COLGALT1: variants seen among roughly 807,000 people sequenced by gnomAD.
COLGALT1 encodes the protein procollagen galactosyltransferase 1.
COLGALT1 carries 43 observed loss-of-function variants against 60.8 expected under a neutral mutation model. That is an observed-to-expected ratio of 0.71 (90% CI 0.55 to 0.91). The LOEUF (loss-of-function observed/expected upper bound fraction) is 0.91, where lower values mean the gene tolerates loss of function less well. COLGALT1 is among the 40% of genes least tolerant of loss of function. The pLI, the probability that COLGALT1 is intolerant of heterozygous loss-of-function variation, is 0.00. For missense variants in COLGALT1, 845 were observed against 880.0 expected (o/e 0.96, Z 0.50); for synonymous variants, 369 against 374.2 (o/e 0.99, Z 0.16).
intron 1 of COLGALT1, 135 bp downstream of exon 1, chr19:17,556,108 C>T (rs2076209392): frequency 1.3e-5 from 14 of 1,043,542 alleles, no homozygotes; most frequent in Admixed American, 1.3e-4. Context: ...TGCTCGCTAC[C>T]CCCATCGGGA....
intron 3 of COLGALT1, 83 bp downstream of exon 3, chr19:17,560,548 C>T (rs2076243036): frequency 2.7e-6 from 3 of 1,097,680 alleles, no homozygotes; most frequent in Admixed American, 1.7e-5. Flanking sequence ...ATGCCAGGAC[C>T]ATCCTTAATG....
rs202137060 is a variant in COLGALT1 at position 17,580,804 on chromosome 19, G to T, written c.1500G>T (p.Val500=). The T allele has an allele frequency of 4.0e-5, 64 of 1,614,000 alleles. No homozygotes were observed. In the African/African-American group the frequency reaches 8.0e-4, roughly 20 times the overall value. Residue 500 remains valine, a synonymous_variant, in exon 11 of 12, where the codon GTG becomes GTT. Transcript: ENST00000252599. ...ADYSYWTLAY[V]ISLQGARKLL... is the part of the protein sequence containing the mutation. Reference sequence around the variant, plus strand: ...ATTCCTACTGGACCCTGGCCTACGTGATCTCCCTGCAAGGCGCCCGCAAAC... The same window carrying T: ...ATTCCTACTGGACCCTGGCCTACGTTATCTCCCTGCAAGGCGCCCGCAAAC...
intron 5 of COLGALT1, among the ~76,000 whole-genome samples, chr19:17,569,440 T>C (rs535506475): frequency 2.6e-4 from 38 of 145,524 alleles, no homozygotes; most frequent in African/African-American, 9.6e-4. Flanking sequence ...CCAATTTTCT[T>C]TTGTTTTTTT....
chr19:17,563,528 T>G (rs1176437948), intron 3 of COLGALT1, among the ~76,000 whole-genome samples: 1 of 152,184 alleles, frequency 6.6e-6, no homozygotes, highest in Non-Finnish European at 1.5e-5. Flanking sequence ...TTTTTGTATT[T>G]TTAGTAGAGA....
chr19:17,572,680 C>T, intron 6 of COLGALT1, 78 bp downstream of exon 6: 1 of 1,587,938 alleles, frequency 6.3e-7, no homozygotes, highest in Non-Finnish European at 8.6e-7. Flanking sequence ...GTCCCATGAG[C>T]ACTGACTGAG....
Position 17,582,952 on chromosome 19 carries a change from T to C in COLGALT1, c.*1508T>C, listed in dbSNP as rs901145386. On this transcript the variant is annotated 3_prime_UTR_variant, in exon 12 of 12. Transcript: ENST00000252599. ...TGATGAAGTTGCTCTGTTCAAGCCT[T>C]TGGTGGGATCATGTGTTTGGGGGCT... The C allele has an allele frequency of 2.0e-5, 3 of 152,422 alleles. No individual in the cohort carries two copies. The highest frequency in any genetic ancestry group is 7.2e-5 in the African/African-American group (3 of 41,436). 9.4% of individuals were successfully genotyped at this position (152,422 alleles called of 1,614,324 possible). A position where few individuals can be genotyped will look rare whatever the true frequency, so the allele number is the denominator to read the frequency against.
In COLGALT1 at chr19:17,580,695, C is replaced by T. The variant is rs771864478; in HGVS notation, c.1395-4C>T. 9.3e-6 allele frequency: 15 copies of T among 1,613,742 alleles called. No individual in the cohort carries two copies. The South Asian group carries it at 1.4e-4, about 15-fold the overall frequency. On this transcript the variant is annotated splice_polypyrimidine_tract_variant and splice_region_variant and intron_variant, in intron 10 of 11. Transcript: ENST00000252599. Reference sequence around the variant, plus strand: ...AGAGTGACAGGCCCGATCTTGCACCCCAGCTATGTGGGCCGGAAGCGGATG... The same window carrying T: ...AGAGTGACAGGCCCGATCTTGCACCTCAGCTATGTGGGCCGGAAGCGGATG...
intron 6 of COLGALT1, among the ~76,000 whole-genome samples, chr19:17,574,951 G>A (rs944514595): frequency 6.6e-6 from 1 of 152,170 alleles, no homozygotes; most frequent in South Asian, 2.1e-4. Context: ...CAACCTCCTT[G>A]ACTCAAGCGA....
At chr19:17,572,720 G>C in intron 6 of COLGALT1, 118 bp downstream of exon 6, 1 of 1,444,318 alleles carries the variant, frequency 6.9e-7, no homozygotes, top group Non-Finnish European at 9.3e-7. Context: ...CCTGTGGGGG[G>C]TGCTGGGTGC....
Position 17,577,415 on chromosome 19 carries a change from G to T in COLGALT1, c.1081G>T (p.Ala361Ser). The change falls in exon 8 of 12, where the codon GCG becomes TCG. Residue 361 changes from alanine (A) to serine (S), a missense_variant. Ala to Ser is a moderately conservative substitution (Grantham distance 99). Transcript: ENST00000252599. ...RQDRRERMLR[A>S]LQAQEIECRL... ...GGACCGGCGGGAGCGCATGCTGCGG[G>T]CGCTGCAGGCACAGGAGATCGAGTG... 2.6e-6 allele frequency: 4 copies of T among 1,561,712 alleles called. No individual in the cohort carries two copies. The highest frequency in any genetic ancestry group is 3.4e-6 in the Non-Finnish European group (4 of 1,159,920).
At chr19:17,572,269 C>T (rs2076317183) in intron 5 of COLGALT1, among the ~76,000 whole-genome samples, 2 of 151,444 alleles carry the variant, frequency 1.3e-5, no homozygotes, top group South Asian at 4.2e-4. Context: ...GGTAGTGCCA[C>T]TGCACTCCAG....
intron 3 of COLGALT1, among the ~76,000 whole-genome samples, chr19:17,564,254 C>CGTATAT (rs1363921587): frequency 6.6e-6 from 1 of 150,558 alleles, no homozygotes; most frequent in African/African-American, 2.4e-5. Flanking sequence ...TCTTAAGCTT[C>CGTATAT]GTATATGTGT....
rs970347442 is a variant in COLGALT1 at position 17,583,103 on chromosome 19, C to A, written c.*1659C>A. On this transcript the variant is annotated 3_prime_UTR_variant, in exon 12 of 12. Coordinates refer to ENST00000252599, the MANE Select transcript of COLGALT1 (RefSeq NM_024656.4). ...GTCAGAACCAGCCAGCGGTGCTTCA[C>A]CCTCTTGGGGATAACTTGCTTAGTT... 1 of 152,248 alleles carries A rather than the reference C, an allele frequency of 6.6e-6. No individual in the cohort carries two copies. Among genetic ancestry groups the A allele is most frequent in the Non-Finnish European group, 1.5e-5 (1 of 68,062 alleles). The allele number at this position is 152,248 out of a possible 1,614,324, so 9.4% of individuals were successfully genotyped here. A position where few individuals can be genotyped will look rare whatever the true frequency, so the allele number is the denominator to read the frequency against.
chr19:17,578,224 T>C (rs932491542), intron 9 of COLGALT1, 135 bp downstream of exon 9: 2 of 919,382 alleles, frequency 2.2e-6, no homozygotes, highest in Middle Eastern at 3.5e-4. Context: ...CCATGGCCTC[T>C]CTTTAGTGAA....
chr19:17,579,468 G>T lies in COLGALT1; in HGVS notation c.1267-14G>T. On this transcript the variant is annotated splice_polypyrimidine_tract_variant and intron_variant, in intron 9 of 11. Coordinates refer to ENST00000252599, the MANE Select transcript of COLGALT1 (RefSeq NM_024656.4). Reference sequence around the variant, plus strand: ...CTTGGCCTCCCTGTGATGTGGCGGGGCTTCCTCCCTCAGGTGGTGGACCGG... The same window carrying T: ...CTTGGCCTCCCTGTGATGTGGCGGGTCTTCCTCCCTCAGGTGGTGGACCGG... The T allele has an allele frequency of 6.2e-7, 1 of 1,612,620 alleles. No individual in the cohort carries two copies. The highest frequency in any genetic ancestry group is 8.5e-7 in the Non-Finnish European group (1 of 1,179,000).
rs570418000 is a variant in COLGALT1, at chr19:17,560,205, C to T, written c.372-143C>T. On this transcript the variant is annotated intron_variant, in intron 2 of 11. Transcript: ENST00000252599. Reference sequence around the variant, plus strand: ...ATTCTCCCCACTTCTCTTTCCTCGTCGTTTACTTTTTCCCATCCCTCAGAT... The same window carrying T: ...ATTCTCCCCACTTCTCTTTCCTCGTTGTTTACTTTTTCCCATCCCTCAGAT... 1.2e-3 allele frequency: 764 copies of T among 630,724 alleles called. 2 individuals are homozygous for T. Among genetic ancestry groups the T allele is most frequent in the Non-Finnish European group, 1.9e-3 (692 of 355,496 alleles). The allele number at this position is 630,724 out of a possible 1,614,324, so 39.1% of individuals were successfully genotyped here. A position where few individuals can be genotyped will look rare whatever the true frequency, so the allele number is the denominator to read the frequency against.
intron 3 of COLGALT1, among the ~76,000 whole-genome samples, chr19:17,566,753 C>T (rs1419006706): frequency 6.6e-6 from 1 of 152,072 alleles, no homozygotes; most frequent in African/African-American, 2.4e-5. Context: ...TACGATTACA[C>T]CATTGCACTT....
Position 17,567,499 on chromosome 19 carries a change from C to T in COLGALT1, c.583C>T (p.Arg195Trp), listed in dbSNP as rs761435653. ...KTVVAPMLDS[R>W]AAYSNFWCGM... ...GGTGGTCGCCCCCATGCTGGATTCC[C>T]GGGCTGCGTACTCCAACTTCTGGTG... Residue 195 changes from arginine to tryptophan, a missense_variant, in exon 4 of 12, where the codon CGG (arginine) becomes TGG (tryptophan). Coordinates refer to ENST00000252599, the MANE Select transcript of COLGALT1 (RefSeq NM_024656.4). 3.6e-5 allele frequency: 58 copies of T among 1,613,874 alleles called. No individual in the cohort carries two copies. Among genetic ancestry groups the T allele is most frequent in the Admixed American group, 2.5e-4 (15 of 59,980 alleles).
chr19:17,555,661 G>A lies in COLGALT1; in HGVS notation c.-53G>A. 1 of 1,172,434 alleles carries A rather than the reference G, an allele frequency of 8.5e-7. No individual in the cohort carries two copies. The highest frequency in any genetic ancestry group is 1.1e-6 in the Non-Finnish European group (1 of 950,372). The allele number at this position is 1,172,434 out of a possible 1,614,324, so 72.6% of individuals were successfully genotyped here. A position where few individuals can be genotyped will look rare whatever the true frequency, so the allele number is the denominator to read the frequency against. On this transcript the variant is annotated 5_prime_UTR_variant, in exon 1 of 12. Coordinates refer to ENST00000252599, the MANE Select transcript of COLGALT1 (RefSeq NM_024656.4). ...GCGGGGCCCCTATGACCCCTTTAAG[G>A]CGCGGCCAGAGTCCTCCCGCAGAAA...
Sources: gnomAD v4.1 joint callset for allele counts (sites outside exome capture counted in the v4.1 genomes callset) on GRCh38, gnomAD v4.1.1 for gene constraint, MANE v1.5 for transcripts, NCBI Gene and HGNC (gene_info 2026-07-23, HGNC 2026-07-21) for gene names.